USF3: variants seen among roughly 807,000 people sequenced by gnomAD.
The protein encoded by USF3 is basic helix-loop-helix domain-containing protein USF3.
Under a neutral mutation model 157.5 loss-of-function variants are expected in USF3, and 29 were observed. The ratio of observed to expected loss-of-function variants is 0.18; its 90% confidence interval spans 0.14 to 0.25. The LOEUF is 0.25. Among genes scored for constraint, USF3 ranks in the 10% least tolerant of loss-of-function variants. The probability of loss-of-function intolerance (pLI) is 1.00; values close to 1 mark genes in which losing one functional copy is unlikely to be tolerated. For synonymous variants in USF3, 893 were observed against 941.4 expected (o/e 0.95, Z 0.94); for missense variants, 2,381 against 2,667.6 (o/e 0.89, Z 2.37).
chr3:113,659,088 T>A lies in USF3; in HGVS notation c.2594A>T (p.His865Leu), dbSNP rs953103260. ...TTCAGAGCTTAGAACACCCAAAGAA[T>A]GTGAAGCAGAAACACTCACACTATT... is the stretch of plus-strand genomic sequence containing the variant. The part of the protein sequence containing the change: ...QANSVSVSAS[H>L]SLGVLSSESL... The change falls in exon 7 of 7, where the codon CAT (histidine) becomes CTT (leucine). Residue 865 changes from histidine (H) to leucine (L), a missense_variant. Physicochemically the swap from His to Leu is moderately conservative, Grantham distance 99. This residue lies in a region of USF3 where 1,435 missense variants were observed against 1,550.9 expected (regional missense o/e 0.93). Transcript: ENST00000316407. 1 of 1,614,158 alleles carries A rather than the reference T, an allele frequency of 6.2e-7. No individual in the cohort carries two copies. The highest frequency in any genetic ancestry group is 1.1e-5 in the South Asian group (1 of 91,084).
rs1017037087 is a variant in USF3 at position 113,659,656 on chromosome 3, C to T, written c.2026G>A (p.Val676Met). Residue 676 changes from valine to methionine, a missense_variant, in exon 7 of 7, where the codon GTG becomes ATG. Val to Met is a conservative substitution (Grantham distance 21, BLOSUM62 1). Coordinates refer to ENST00000316407, the MANE Select transcript of USF3 (RefSeq NM_001009899.4). ...TTTGTAGTTCCTGATGAAGACATCA[C>T]AGGCTGCAAAGCAAAGAGCTGTCCA... ...LNGQLFALQP[V>M]MSSSGTTNQT... 13 of 1,614,106 alleles carry T rather than the reference C, an allele frequency of 8.1e-6. No homozygotes were observed. The highest frequency in any genetic ancestry group is 1.1e-5 in the Non-Finnish European group (13 of 1,180,038).
At position 113,654,077 on chromosome 3, in the gene USF3, G is replaced by C. The variant is rs187783808; in HGVS notation, c.*867C>G. On this transcript the variant is annotated 3_prime_UTR_variant, in exon 7 of 7. Transcript: ENST00000316407. ...AGACCAAATAAATAGAATGAAGAGA[G>C]AATACTAAATTAAACTCAGCTGATG... 6.6e-6 allele frequency: 1 copy of C among 152,582 alleles called. No homozygotes were observed. Among genetic ancestry groups the C allele is most frequent in the African/African-American group, 2.4e-5 (1 of 41,570 alleles). The allele number at this position is 152,582 out of a possible 1,614,324, so 9.5% of individuals were successfully genotyped here.
chr3:113,668,659 A>C (rs1297579281), intron 5 of USF3, among the ~76,000 whole-genome samples: 2 of 152,156 alleles, frequency 1.3e-5, no homozygotes, highest in South Asian at 2.1e-4. Flanking sequence ...CCCTCAAAAA[A>C]AGATGAGACA....
At chr3:113,683,457 T>C (rs1195384643) in intron 1 of USF3, among the ~76,000 whole-genome samples, 1 of 142,396 alleles carries the variant, frequency 7.0e-6, no homozygotes, top group African/African-American at 2.6e-5. Context: ...TTACATTTTA[T>C]CCCCTGCTTT....
chr3:113,682,611 T>C (rs1559722813), intron 1 of USF3, among the ~76,000 whole-genome samples: 1 of 152,200 alleles, frequency 6.6e-6, no homozygotes, highest in Non-Finnish European at 1.5e-5. Flanking sequence ...TTTGATATAG[T>C]AATATTTGCT....
At chr3:113,680,495 T>C (rs1707389608) in intron 1 of USF3, among the ~76,000 whole-genome samples, 1 of 152,154 alleles carries the variant, frequency 6.6e-6, no homozygotes, top group African/African-American at 2.4e-5. Context: ...CTCGGTTTGT[T>C]GATTTTGTTT....
chr3:113,690,929 T>A (rs1029130666), intron 1 of USF3, among the ~76,000 whole-genome samples: 4 of 152,186 alleles, frequency 2.6e-5, no homozygotes, highest in Admixed American at 2.0e-4. Context: ...GGCTCACACC[T>A]GTAATCCCAG....
chr3:113,682,609 A>G (rs1004468180), intron 1 of USF3, among the ~76,000 whole-genome samples: 6 of 152,282 alleles, frequency 3.9e-5, no homozygotes, highest in South Asian at 4.1e-4. Context: ...TCTTTGATAT[A>G]GTAATATTTG....
rs759204337 is a variant in USF3 at position 113,659,640 on chromosome 3, C to A, written c.2042G>T (p.Gly681Val). The change falls in exon 7 of 7, where the codon GGA becomes GTA. Residue 681 changes from glycine to valine, a missense_variant. Physicochemically the swap from Gly to Val is moderately radical, Grantham distance 109. Transcript: ENST00000316407. ...TTGCATAGGGGTTTGATTTGTAGTT[C>A]CTGATGAAGACATCACAGGCTGCAA... is the stretch of plus-strand genomic sequence containing the variant. ...FALQPVMSSS[G>V]TTNQTPMQII... 6.2e-7 allele frequency: 1 copy of A among 1,614,140 alleles called. No individual in the cohort carries two copies. The highest frequency in any genetic ancestry group is 8.5e-7 in the Non-Finnish European group (1 of 1,180,016).
At chr3:113,667,541 T>C (rs751181814) in intron 5 of USF3, among the ~76,000 whole-genome samples, 20 of 152,202 alleles carry the variant, frequency 1.3e-4, no homozygotes, top group African/African-American at 3.9e-4. Flanking sequence ...GTGTGTGCCA[T>C]TGTGTTAAGG....
chr3:113,694,981 G>A (rs1385692283), intron 1 of USF3, among the ~76,000 whole-genome samples: 1 of 152,202 alleles, frequency 6.6e-6, no homozygotes, highest in Non-Finnish European at 1.5e-5. Flanking sequence ...GGAGGCGGAG[G>A]TTGCAGTGAA....
chr3:113,656,262 G>A lies in USF3; in HGVS notation c.5420C>T (p.Pro1807Leu), dbSNP rs1428797210. ...ACAAGTATTTTCACTGTCCCTTGAT[G>A]GAATACCATTTCCTGTTGGGATGCT... ...VQSIPTGNGI[P>L]SRDSENTCHQ... Residue 1807 changes from proline to leucine, a missense_variant, in exon 7 of 7, where the codon CCA becomes CTA. Coordinates refer to ENST00000316407, the MANE Select transcript of USF3 (RefSeq NM_001009899.4). 20 of 1,614,146 alleles carry A rather than the reference G, an allele frequency of 1.2e-5. No homozygotes were observed. Among genetic ancestry groups the A allele is most frequent in the Non-Finnish European group, 1.7e-5 (20 of 1,180,028 alleles).
chr3:113,695,927 T>G (rs1707787229), intron 1 of USF3, among the ~76,000 whole-genome samples: 1 of 152,164 alleles, frequency 6.6e-6, no homozygotes, highest in Non-Finnish European at 1.5e-5. Flanking sequence ...CACATGAGTC[T>G]GACGAACGGG....
At chr3:113,675,737 T>C (rs1433676617) in intron 2 of USF3, among the ~76,000 whole-genome samples, 1 of 152,158 alleles carries the variant, frequency 6.6e-6, no homozygotes. Context: ...TGGGTAATTT[T>C]TAAAGGAAAG....
At chr3:113,666,706 CA>C (rs1181507554) in intron 5 of USF3, among the ~76,000 whole-genome samples, 4 of 151,558 alleles carry the variant, frequency 2.6e-5, no homozygotes, top group African/African-American at 9.7e-5. Context: ...CGAGTAGCTA[CA>C]GGCACCCGCC....
rs745909314 is a variant in USF3, at chr3:113,659,412, G to C, written c.2270C>G (p.Ala757Gly). The C allele has an allele frequency of 2.5e-6, 4 of 1,614,242 alleles. No individual in the cohort carries two copies. In the East Asian group the frequency reaches 8.9e-5, roughly 36 times the overall value. ...ACTATCTGTTGTCACAGGAGGTGCT[G>C]CAGTTGTTGTTAATGAAACACAGTT... ...TANCVSLTTT[A>G]APPVTTDSSA... Residue 757 changes from alanine (A) to glycine (G), a missense_variant, in exon 7 of 7, where the codon GCA (alanine) becomes GGA (glycine). By Grantham distance (60) the Ala-to-Gly change is moderately conservative. Coordinates refer to ENST00000316407, the MANE Select transcript of USF3 (RefSeq NM_001009899.4).
chr3:113,657,361 G>A lies in USF3; in HGVS notation c.4321C>T (p.Leu1441=). The part of the protein sequence containing the change: ...QTQASQHLQA[L]QQHVPAQGVS... ...CCTTGAGCTGGAACATGCTGCTGCA[G>A]GGCCTGTAGATGCTGACTTGCCTGG... The change falls in exon 7 of 7, where the codon CTG becomes TTG. Residue 1441 remains leucine, a synonymous_variant. Coordinates refer to ENST00000316407, the MANE Select transcript of USF3 (RefSeq NM_001009899.4). 1 of 1,614,112 alleles carries A rather than the reference G, an allele frequency of 6.2e-7. No homozygotes were observed. The highest frequency in any genetic ancestry group is 8.5e-7 in the Non-Finnish European group (1 of 1,180,020).
chr3:113,677,742 G>A (rs890565051), intron 1 of USF3, among the ~76,000 whole-genome samples: 7 of 152,116 alleles, frequency 4.6e-5, no homozygotes, highest in African/African-American at 1.7e-4. Context: ...CCTAACTTCT[G>A]TCCTCAATTC....
At chr3:113,683,760 C>T (rs946123970) in intron 1 of USF3, among the ~76,000 whole-genome samples, 5 of 151,872 alleles carry the variant, frequency 3.3e-5, no homozygotes, top group African/African-American at 1.2e-4. Flanking sequence ...AGCCACCGTG[C>T]CCAGCCCATC....
Sources: gnomAD v4.1 joint callset for allele counts (sites outside exome capture counted in the v4.1 genomes callset) on GRCh38, gnomAD v4.1.1 for gene constraint, gnomAD v4.1.1 regional missense constraint, MANE v1.5 for transcripts, NCBI Gene and HGNC (gene_info 2026-07-23, HGNC 2026-07-21) for gene names.